GOLGA4: variants seen among roughly 807,000 people sequenced by gnomAD.
GOLGA4 encodes golgin A4.
In GOLGA4, 169 loss-of-function variants were observed where a neutral mutation model predicts 265.9. The ratio of observed to expected loss-of-function variants is 0.64; its 90% CI spans 0.56 to 0.72. The LOEUF is 0.72. Ranked by LOEUF, GOLGA4 falls within the 30% of genes least tolerant of loss-of-function variation. GOLGA4 has a pLI of 0.00. For synonymous variants in GOLGA4, 923 were observed against 855.8 expected (o/e 1.08, Z -1.37); for missense variants, 2,482 against 2,483.4 (o/e 1.00, Z 0.01).
chr3:37,340,502 G>A (rs559305346), intron 20 of GOLGA4, among the ~76,000 whole-genome samples: 198 of 152,200 alleles, frequency 1.3e-3, no homozygotes, highest in South Asian at 4.1e-3. Context: ...ACAATAAATT[G>A]GGTGGGGAAT....
At chr3:37,359,057 G>A (rs1027813168) in intron 22 of GOLGA4, among the ~76,000 whole-genome samples, 2 of 152,158 alleles carry the variant, frequency 1.3e-5, no homozygotes, top group African/African-American at 4.8e-5. Context: ...GCAGGCAGAA[G>A]TTAAAACAAA....
At chr3:37,329,825 T>A (rs2096984214) in intron 16 of GOLGA4, among the ~76,000 whole-genome samples, 1 of 152,202 alleles carries the variant, frequency 6.6e-6, no homozygotes. Context: ...TGTTCTTGGT[T>A]GGGTTACAGA....
intron 2 of GOLGA4, among the ~76,000 whole-genome samples, chr3:37,252,213 G>A (rs1032838132): frequency 4.6e-5 from 7 of 151,678 alleles, no homozygotes; most frequent in African/African-American, 1.5e-4. Flanking sequence ...TTATCATGAA[G>A]TGAATCCTCC....
At chr3:37,267,034 C>CAT (rs1372957674) in intron 2 of GOLGA4, 7 of 454,092 alleles carry the variant, frequency 1.5e-5, no homozygotes, top group Non-Finnish European at 2.4e-5. Context: ...TGCCACTTAC[C>CAT]ATCTCTCAAA....
At chr3:37,344,182 A>G (rs1219258572) in intron 20 of GOLGA4, among the ~76,000 whole-genome samples, 1 of 152,122 alleles carries the variant, frequency 6.6e-6, no homozygotes, top group Non-Finnish European at 1.5e-5. Flanking sequence ...GCTCACTGGG[A>G]CCTCTGCCTC....
chr3:37,269,135 T>G (rs566200764), intron 2 of GOLGA4, among the ~76,000 whole-genome samples: 1 of 152,378 alleles, frequency 6.6e-6, no homozygotes, highest in East Asian at 1.9e-4. Context: ...TGTGTGCTTT[T>G]AAGTTGAATA....
chr3:37,326,361 A>G lies in GOLGA4; in HGVS notation c.4475A>G (p.Asn1492Ser), dbSNP rs1324465831. 1.2e-5 allele frequency: 19 copies of G among 1,612,874 alleles called. No homozygotes were observed. Among genetic ancestry groups the G allele is most frequent in the Non-Finnish European group, 1.6e-5 (19 of 1,179,620 alleles). Residue 1492 changes from asparagine to serine, a missense_variant, in exon 14 of 24, where the codon AAT (asparagine) becomes AGT (serine). Physicochemically the swap from Asn to Ser is conservative, Grantham distance 46. Around this residue, in one of 3 missense-constraint regions of GOLGA4, gnomAD observed 942 missense variants for 983.1 expected, o/e 0.96. Coordinates refer to ENST00000361924, the MANE Select transcript of GOLGA4 (RefSeq NM_002078.5). ...TTGAAGGAAGAGCTTGATCAGCAAA[A>G]TAAAAGATTTGATTGTTTAAAGGGT... Reference protein sequence around the residue: ...NLLKEELDQQNKRFDCLKGEM... With the variant: ...NLLKEELDQQSKRFDCLKGEM...
chr3:37,300,706 A>G (rs2096890420), intron 9 of GOLGA4, among the ~76,000 whole-genome samples: 1 of 152,170 alleles, frequency 6.6e-6, no homozygotes, highest in Admixed American at 6.5e-5. Flanking sequence ...GTATTTTAAT[A>G]TATCTTTAAA....
At chr3:37,269,745 C>G (rs913105698) in intron 2 of GOLGA4, among the ~76,000 whole-genome samples, 1 of 151,974 alleles carries the variant, frequency 6.6e-6, no homozygotes, top group Non-Finnish European at 1.5e-5. Context: ...CAACTTAGGC[C>G]AGTACTTTTC....
intron 20 of GOLGA4, among the ~76,000 whole-genome samples, chr3:37,340,927 G>T (rs530258909): frequency 1.3e-5 from 2 of 152,184 alleles, no homozygotes; most frequent in Admixed American, 6.5e-5. Flanking sequence ...CAGCACTTTG[G>T]GGGGCTGAGG....
rs756583926 is a variant in GOLGA4 at position 37,284,547 on chromosome 3, C to T, written c.478-1467C>T. ...GATTACAGGCGTGAGCCACCACACC[C>T]GGCTGTGAACACCATTTTTCTATCT... On this transcript the variant is annotated intron_variant, in intron 3 of 23. Coordinates refer to ENST00000361924, the MANE Select transcript of GOLGA4 (RefSeq NM_002078.5). Among the ~76,000 whole-genome samples, 20 of 151,502 alleles carry T rather than the reference C, an allele frequency of 1.3e-4. 1 individual carries two copies. Among genetic ancestry groups the T allele is most frequent in the Admixed American group, 1.1e-3 (16 of 15,216 alleles).
rs1004748041 is a variant in GOLGA4 at position 37,325,279 on chromosome 3, A to G, written c.3393A>G (p.Lys1131=). The change falls in exon 14 of 24, where the codon AAA becomes AAG. Residue 1131 remains lysine, a synonymous_variant. Coordinates refer to ENST00000361924, the MANE Select transcript of GOLGA4 (RefSeq NM_002078.5). ...HVNSLAQDET[K]LKAHLEKLEV... Reference sequence around the variant, plus strand: ...ATTCTCTTGCACAAGATGAAACTAAACTGAAAGCTCATCTTGAAAAGCTAG... The same window carrying G: ...ATTCTCTTGCACAAGATGAAACTAAGCTGAAAGCTCATCTTGAAAAGCTAG... The G allele has an allele frequency of 1.5e-5, 24 of 1,613,454 alleles. No individual in the cohort carries two copies. Among genetic ancestry groups the G allele is most frequent in the Non-Finnish European group, 1.9e-5 (23 of 1,179,734 alleles).
At chr3:37,261,628 C>T (rs2096770138) in intron 2 of GOLGA4, among the ~76,000 whole-genome samples, 1 of 152,056 alleles carries the variant, frequency 6.6e-6, no homozygotes, top group Non-Finnish European at 1.5e-5. Flanking sequence ...TCTCTTTGAA[C>T]TCTGGTTGAG....
rs562990140 is a variant in GOLGA4 at position 37,324,249 on chromosome 3, G to A, written c.2363G>A (p.Arg788Lys). ...HVENLEADIK[R>K]SEGELQQASA... is the part of the protein sequence containing the mutation. ...GAAAATTTAGAGGCAGATATTAAAA[G>A]GTCTGAAGGGGAACTCCAGCAGGCA... Residue 788 changes from arginine (R) to lysine (K), a missense_variant, in exon 14 of 24, where the codon AGG (arginine) becomes AAG (lysine). This residue lies in a region of GOLGA4 where 1,536 missense variants were observed against 1,483.7 expected (regional missense o/e 1.04). Transcript: ENST00000361924. 1 of 1,613,998 alleles carries A rather than the reference G, an allele frequency of 6.2e-7. No individual in the cohort carries two copies. Among genetic ancestry groups the A allele is most frequent in the African/African-American group, 1.3e-5 (1 of 74,922 alleles).
At chr3:37,346,373 C>T (rs919107071) in intron 20 of GOLGA4, among the ~76,000 whole-genome samples, 1 of 151,998 alleles carries the variant, frequency 6.6e-6, no homozygotes, top group African/African-American at 2.4e-5. Context: ...TAAAAAAAAT[C>T]GATTTTAATG....
chr3:37,321,045 C>G (rs983885323), intron 12 of GOLGA4, among the ~76,000 whole-genome samples: 5 of 152,078 alleles, frequency 3.3e-5, no homozygotes, highest in Admixed American at 2.6e-4. Context: ...CTGCTCTAAG[C>G]AATAGGTATG....
chr3:37,336,219 T>C (rs934301704), intron 17 of GOLGA4, among the ~76,000 whole-genome samples: 2 of 152,178 alleles, frequency 1.3e-5, no homozygotes, highest in Non-Finnish European at 2.9e-5. Context: ...TTTACTTTCT[T>C]TTTTTCTTTT....
intron 11 of GOLGA4, among the ~76,000 whole-genome samples, chr3:37,316,719 C>T (rs1338904064): frequency 6.6e-6 from 1 of 152,074 alleles, no homozygotes; most frequent in Non-Finnish European, 1.5e-5. Context: ...AAAAGATTCC[C>T]ATTTTCCCAA....
chr3:37,268,099 TTGAG>T (rs946673579), intron 2 of GOLGA4, among the ~76,000 whole-genome samples: 12 of 152,248 alleles, frequency 7.9e-5, no homozygotes, highest in African/African-American at 2.6e-4. Context: ...TTATATTTGT[TTGAG>T]TGGGGTCTCA....
Sources: gnomAD v4.1 joint callset for allele counts (sites outside exome capture counted in the v4.1 genomes callset) on GRCh38, gnomAD v4.1.1 for gene constraint, gnomAD v4.1.1 regional missense constraint, MANE v1.5 for transcripts, NCBI Gene and HGNC (gene_info 2026-07-23, HGNC 2026-07-21) for gene names.